The following GRID2 variants were observed in gnomAD, a reference collection of about 807,000 sequenced individuals.
GRID2 encodes glutamate ionotropic receptor delta type subunit 2.
A neutral mutation model predicts 114.8 loss-of-function variants in GRID2; 33 were observed. That is an observed-to-expected ratio of 0.29 (90% CI 0.22 to 0.38). The LOEUF (loss-of-function observed/expected upper bound fraction) is 0.38, where lower values mean the gene tolerates loss of function less well. GRID2 is among the 10% of genes least tolerant of loss of function. The probability of loss-of-function intolerance (pLI) is 1.00; values close to 1 mark genes in which losing one functional copy is unlikely to be tolerated. For synonymous variants in GRID2, 505 were observed against 449.9 expected, an observed-to-expected ratio of 1.12 and a Z score of -1.55; for missense variants, 1,184 against 1,257.7, an observed-to-expected ratio of 0.94 and a Z score of 0.89.
Position 92,580,718 on chromosome 4 carries a change from G to T in GRID2, c.89-9413G>T, listed in dbSNP as rs949250423. On this transcript the variant is annotated intron_variant, in intron 1 of 15. Transcript: ENST00000282020. ...TTGGCATATGATTTTACTTATAGTA[G>T]TATAGGCCAATTCTCACATTTTTTT... 2.7e-5 allele frequency among the ~76,000 whole-genome samples: 4 copies of T among 148,488 alleles called. No individual in the cohort carries two copies. In the Admixed American group the frequency reaches 2.8e-4, roughly 10 times the overall value.
At chr4:92,384,971 G>T (rs9997861) in intron 1 of GRID2, among the ~76,000 whole-genome samples, 1 of 150,592 alleles carries the variant, frequency 6.6e-6, no homozygotes, top group African/African-American at 2.4e-5. Context: ...CAATGGGCTT[G>T]TCACATTTAC....
At chr4:92,729,544 T>G (rs1050353102) in intron 2 of GRID2, among the ~76,000 whole-genome samples, 55 of 152,076 alleles carry the variant, frequency 3.6e-4, no homozygotes, top group African/African-American at 1.3e-3. Context: ...TGGCATTTCC[T>G]GAAGCATTTC....
chr4:92,892,009 G>A (rs1746821148), intron 2 of GRID2, among the ~76,000 whole-genome samples: 3 of 151,814 alleles, frequency 2.0e-5, no homozygotes, highest in Non-Finnish European at 4.4e-5. Context: ...TCTCTAAACA[G>A]ACACATATTT....
rs80303718 is a variant in GRID2 at position 92,417,474 on chromosome 4, A to T, written c.88+112730A>T. On this transcript the variant is annotated intron_variant, in intron 1 of 15. Transcript: ENST00000282020. ...GGCTCATAAGGATTCAGATAGGGAA[A>T]ATATAAAGCAATTACCCCCTGAGGA... is the stretch of plus-strand genomic sequence containing the variant. Among the ~76,000 whole-genome samples, 1,321 of 152,254 alleles carry T rather than the reference A, an allele frequency of 8.7e-3. 19 individuals carry two copies. Among genetic ancestry groups the T allele is most frequent in the African/African-American group, 0.03 (1,265 of 41,556 alleles).
rs1324006707 is a variant in GRID2, at chr4:93,034,634, G to T, written c.245-50361G>T. On this transcript the variant is annotated intron_variant, in intron 2 of 15. Transcript: ENST00000282020. ...CCAACAAGTGTGTGACCTTTATTTA[G>T]TGCAGGCTAGACATTATATTACATT... Among the ~76,000 whole-genome samples the T allele has an allele frequency of 5.3e-5, 8 of 152,054 alleles. No homozygotes were observed. In the East Asian group the frequency reaches 9.6e-4, roughly 18 times the overall value.
intron 2 of GRID2, among the ~76,000 whole-genome samples, chr4:92,752,329 C>T (rs565779044): frequency 6.6e-6 from 1 of 152,230 alleles, no homozygotes; most frequent in African/African-American, 2.4e-5. Context: ...GAAAAAAATA[C>T]AAGAGATGAA....
intron 1 of GRID2, among the ~76,000 whole-genome samples, chr4:92,387,854 T>C (rs1730046938): frequency 6.6e-6 from 1 of 152,048 alleles, no homozygotes; most frequent in Non-Finnish European, 1.5e-5. Flanking sequence ...CATTCTTCCA[T>C]TGCCAGCCAA....
intron 1 of GRID2, among the ~76,000 whole-genome samples, chr4:92,403,553 G>A (rs13114347): frequency 0.14 from 21,150 of 151,744 alleles, 1,667 homozygotes; most frequent in African/African-American, 0.21. Context: ...TTAGCTGGGC[G>A]TGGTGGTGCG....
chr4:92,913,607 C>T (rs376996194), intron 2 of GRID2, among the ~76,000 whole-genome samples: 9 of 151,838 alleles, frequency 5.9e-5, no homozygotes, highest in African/African-American at 1.7e-4. Context: ...AGACTGTATA[C>T]GGGCATCTAA....
chr4:92,889,178 C>A (rs934858080), intron 2 of GRID2, among the ~76,000 whole-genome samples: 1 of 151,984 alleles, frequency 6.6e-6, no homozygotes, highest in Non-Finnish European at 1.5e-5. Flanking sequence ...TAATTTTTAC[C>A]GTTTAAGTAT....
Position 93,280,788 on chromosome 4 carries a change from A to C in GRID2, c.1245+42298A>C, listed in dbSNP as rs562168889. Among the ~76,000 whole-genome samples, 12 of 152,100 alleles carry C rather than the reference A, an allele frequency of 7.9e-5. No individual in the cohort carries two copies. The East Asian group carries it at 2.3e-3, about 30-fold the overall frequency. ...TTTTCAAAGATATGAGTAATTATTC[A>C]AATATAATAATATTGCAATTTAAAC... On this transcript the variant is annotated intron_variant, in intron 8 of 15. Coordinates refer to ENST00000282020, the MANE Select transcript of GRID2 (RefSeq NM_001510.4).
intron 2 of GRID2, among the ~76,000 whole-genome samples, chr4:92,665,338 C>G (rs1169954435): frequency 1.3e-5 from 2 of 149,040 alleles, no homozygotes; most frequent in Admixed American, 6.7e-5. Flanking sequence ...CCACCCTGTT[C>G]AGTAGTTCAG....
intron 2 of GRID2, among the ~76,000 whole-genome samples, chr4:92,794,840 C>T (rs1578200726): frequency 7.0e-6 from 1 of 141,920 alleles, no homozygotes; most frequent in East Asian, 2.1e-4. Flanking sequence ...AGAAGCCTTA[C>T]TGATAACACA....
rs535851971 is a variant in GRID2, at chr4:92,899,701, G to T, written c.245-185294G>T. ...AATGTTGAATGCTATTGTGCAAAAT[G>T]AAAGCCATCAATAAACAATATTTGC... On this transcript the variant is annotated intron_variant, in intron 2 of 15. Transcript: ENST00000282020. Among the ~76,000 whole-genome samples the T allele has an allele frequency of 3.5e-4, 53 of 152,308 alleles. No individual in the cohort carries two copies. In the South Asian group the frequency reaches 0.011, roughly 30 times the overall value.
chr4:92,875,176 T>TTTC (rs1491137154), intron 2 of GRID2, among the ~76,000 whole-genome samples: 2 of 115,778 alleles, frequency 1.7e-5, no homozygotes. Context: ...TTTTTTTTTT[T>TTTC]CCCGAGACGG....
intron 14 of GRID2, among the ~76,000 whole-genome samples, chr4:93,636,727 A>G (rs1721443847): frequency 6.6e-6 from 1 of 152,162 alleles, no homozygotes; most frequent in African/African-American, 2.4e-5. Context: ...TTACATAATA[A>G]TTATGTCTAT....
chr4:92,392,217 T>C (rs2110262298), intron 1 of GRID2, among the ~76,000 whole-genome samples: 1 of 152,228 alleles, frequency 6.6e-6, no homozygotes, highest in East Asian at 1.9e-4. Flanking sequence ...ATTTGACACA[T>C]GATAACCCTT....
In GRID2 at chr4:93,679,369, C is replaced by T. The variant is rs548803097; in HGVS notation, c.2360+52934C>T. 1.8e-3 allele frequency among the ~76,000 whole-genome samples: 265 copies of T among 150,892 alleles called. 6 individuals carry two copies. The highest frequency in any genetic ancestry group is 2.4e-3 in the Non-Finnish European group (160 of 67,780). ...CCACTGTCAACATTAGACAGATCAA[C>T]GAGACAGAAAGTTAACAAGGATACC... is the stretch of plus-strand genomic sequence containing the variant. On this transcript the variant is annotated intron_variant, in intron 14 of 15. Coordinates refer to ENST00000282020, the MANE Select transcript of GRID2 (RefSeq NM_001510.4).
At chr4:93,596,802 T>C (rs1022236168) in intron 13 of GRID2, among the ~76,000 whole-genome samples, 2 of 152,232 alleles carry the variant, frequency 1.3e-5, no homozygotes, top group African/African-American at 4.8e-5. Context: ...TGGTTTTTGA[T>C]AGATCAGATT....
Sources: gnomAD v4.1 joint callset for allele counts (sites outside exome capture counted in the v4.1 genomes callset) on GRCh38, gnomAD v4.1.1 for gene constraint, MANE v1.5 for transcripts, NCBI Gene and HGNC (gene_info 2026-07-23, HGNC 2026-07-21) for gene names.